The following SLC39A3 variants were observed in gnomAD, a reference collection of about 807,000 sequenced individuals.
SLC39A3 encodes the protein solute carrier family 39 member 3.
Under a neutral mutation model 5.1 loss-of-function variants are expected in SLC39A3, and 3 were observed. The ratio of observed to expected loss-of-function variants is 0.59; its 90% CI spans 0.27 to 1.54. The LOEUF (loss-of-function observed/expected upper bound fraction) is 1.54, where lower values mean the gene tolerates loss of function less well. Among genes scored for constraint, SLC39A3 ranks in the 40% most tolerant of loss-of-function variants. The pLI, the probability that SLC39A3 is intolerant of heterozygous loss-of-function variation, is 0.12. For missense variants in SLC39A3, 412 were observed against 436.4 expected (o/e 0.94, Z 0.50); for synonymous variants, 250 against 218.8 (o/e 1.14, Z -1.26).
chr19:2,736,937 C>T (rs759799384), intron 2 of SLC39A3, 111 bp downstream of exon 2: 43 of 1,560,000 alleles, frequency 2.8e-5, no homozygotes, highest in Non-Finnish European at 3.6e-5. Context: ...CTTTCCGTCA[C>T]CCTTACAGCA....
chr19:2,735,864 A>G lies in SLC39A3; in HGVS notation c.210+1184T>C. ...GGCTCAGATGATTTAATCCCAGACA[A>G]CAGCCCTTCTCCTCCTTTCTGGACA... is the stretch of plus-strand genomic sequence containing the variant. On this transcript the variant is annotated intron_variant, in intron 2 of 2. Transcript: ENST00000269740. The surrounding 1 kb of genome is among the most constrained non-coding windows in gnomAD (Gnocchi z 5.7). The G allele has an allele frequency of 4.1e-6, 4 of 985,514 alleles. No homozygotes were observed. Among genetic ancestry groups the G allele is most frequent in the Non-Finnish European group, 4.8e-6 (4 of 830,012 alleles). 61.0% of individuals were successfully genotyped at this position (985,514 alleles called of 1,614,324 possible). A position where few individuals can be genotyped will look rare whatever the true frequency, so the allele number is the denominator to read the frequency against.
chr19:2,734,013 G>C lies in SLC39A3; in HGVS notation c.211-528C>G, dbSNP rs905345515. ...GGGCCTCCTCTCTGCTTCCCTGACC[G>C]ACATGCCTGGGCCCGACTCTCCTCC... On this transcript the variant is annotated intron_variant, in intron 2 of 2. Transcript: ENST00000269740. This position sits in a 1 kb window ranked among gnomAD's most constrained non-coding sequence, Gnocchi z 4.6. Among the ~76,000 whole-genome samples, 1 of 152,196 alleles carries C rather than the reference G, an allele frequency of 6.6e-6. No individual in the cohort carries two copies. Among genetic ancestry groups the C allele is most frequent in the East Asian group, 1.9e-4 (1 of 5,190 alleles).
At chr19:2,736,623 GCCCAGAC>G (rs1914377230) in intron 2 of SLC39A3, 2 of 827,374 alleles carry the variant, frequency 2.4e-6, no homozygotes, top group Admixed American at 8.7e-5. Flanking sequence ...CTGAAGCAGT[GCCCAGAC>G]CCCTGACTCA....
chr19:2,734,502 T>C lies in SLC39A3; in HGVS notation c.211-1017A>G, dbSNP rs1914297910. ...CACAGTGGTTCTCAACCAGGGCGATTCTGCCCGTGTGGACACCTGGCAATG... is the reference window on the plus strand; with the variant it reads ...CACAGTGGTTCTCAACCAGGGCGATCCTGCCCGTGTGGACACCTGGCAATG... On this transcript the variant is annotated intron_variant, in intron 2 of 2. Coordinates refer to ENST00000269740, the MANE Select transcript of SLC39A3 (RefSeq NM_144564.5). The surrounding 1 kb of genome is among the most constrained non-coding windows in gnomAD (Gnocchi z 4.6). 4 of 154,710 alleles carry C rather than the reference T, an allele frequency of 2.6e-5. No homozygotes were observed. 9.6% of individuals were successfully genotyped at this position (154,710 alleles called of 1,614,324 possible).
Position 2,737,139 on chromosome 19 carries a change from G to C in SLC39A3, c.119C>G (p.Ser40Trp), listed in dbSNP as rs1337234127. Residue 40 changes from serine to tryptophan, a missense_variant, in exon 2 of 3, where the codon TCG (serine) becomes TGG (tryptophan). Physicochemically the swap from Ser to Trp is radical, Grantham distance 177. Coordinates refer to ENST00000269740, the MANE Select transcript of SLC39A3 (RefSeq NM_144564.5). ...IETDFEKAHR[S>W]KKILSLCNTF... The stretch of plus-strand genomic sequence containing the variant: ...GTTGCAGAGAGAGAGGATCTTTTTC[G>C]AGCGATGGGCCTTCTCAAAATCTGT... The C allele has an allele frequency of 1.9e-6, 3 of 1,613,982 alleles. No homozygotes were observed. The highest frequency in any genetic ancestry group is 2.2e-5 in the East Asian group (1 of 44,888).
chr19:2,737,600 G>A (rs1248549547), intron 1 of SLC39A3: 1 of 254,138 alleles, frequency 3.9e-6, no homozygotes, highest in Non-Finnish European at 7.8e-6. Flanking sequence ...GTAGAGACGA[G>A]GTTTCATCAT....
At chr19:2,739,656 C>A (rs372801630) in intron 1 of SLC39A3, among the ~76,000 whole-genome samples, 7 of 152,202 alleles carry the variant, frequency 4.6e-5, no homozygotes, top group African/African-American at 1.7e-4. Context: ...GCCACCCAGG[C>A]ACACAGTAGG....
At chr19:2,736,197 A>C in intron 2 of SLC39A3, 1 of 985,570 alleles carries the variant, frequency 1.0e-6, no homozygotes, top group Non-Finnish European at 1.2e-6. Context: ...GACAGACTCC[A>C]AGATGGCCCC....
rs1349294146 is a variant in SLC39A3, at chr19:2,734,712, C to T, written c.211-1227G>A. On this transcript the variant is annotated intron_variant, in intron 2 of 2. Coordinates refer to ENST00000269740, the MANE Select transcript of SLC39A3 (RefSeq NM_144564.5). The surrounding 1 kb of genome is among the most constrained non-coding windows in gnomAD (Gnocchi z 4.6). ...TGACAACCACAATGTCCCCAGGCAT[C>T]GCCCAGTGTTCCCTGGGGGCAGTTC... 22 of 984,240 alleles carry T rather than the reference C, an allele frequency of 2.2e-5. No homozygotes were observed. Among genetic ancestry groups the T allele is most frequent in the Non-Finnish European group, 2.7e-5 (22 of 828,782 alleles). 61.0% of individuals were successfully genotyped at this position (984,240 alleles called of 1,614,324 possible).
At position 2,732,935 on chromosome 19, in the gene SLC39A3, T is replaced by C. The variant is rs752731515; in HGVS notation, c.761A>G (p.Gln254Arg). 4.4e-6 allele frequency: 7 copies of C among 1,608,610 alleles called. No individual in the cohort carries two copies. In the African/African-American group the frequency reaches 8.0e-5, roughly 18 times the overall value. Residue 254 changes from glutamine to arginine, a missense_variant, in exon 3 of 3, where the codon CAG (glutamine) becomes CGG (arginine). Physicochemically the swap from Gln to Arg is conservative, Grantham distance 43. Coordinates refer to ENST00000269740, the MANE Select transcript of SLC39A3 (RefSeq NM_144564.5). ...GGACGCCACGCTGCCCGGCACGCCC[T>C]GGGCGCTCTCAATGCCCAGGCCCAG... is the stretch of plus-strand genomic sequence containing the variant. ...IGLGLGIESA[Q>R]GVPGSVASVL... is the part of the protein sequence containing the mutation.
At position 2,733,999 on chromosome 19, in the gene SLC39A3, C is replaced by T. The variant is rs1467209331; in HGVS notation, c.211-514G>A. ...CGTGTTCTGCCGCGGGGCCTCCTCTCTGCTTCCCTGACCGACATGCCTGGG... is the reference window on the plus strand; with the variant it reads ...CGTGTTCTGCCGCGGGGCCTCCTCTTTGCTTCCCTGACCGACATGCCTGGG... On this transcript the variant is annotated intron_variant, in intron 2 of 2. Coordinates refer to ENST00000269740, the MANE Select transcript of SLC39A3 (RefSeq NM_144564.5). This position sits in a 1 kb window ranked among gnomAD's most constrained non-coding sequence, Gnocchi z 6.1. Among the ~76,000 whole-genome samples the T allele has an allele frequency of 6.6e-6, 1 of 152,214 alleles. No individual in the cohort carries two copies. The highest frequency in any genetic ancestry group is 1.5e-5 in the Non-Finnish European group (1 of 68,034).
At chr19:2,736,804 A>G (rs1266693330) in intron 2 of SLC39A3, 7 of 1,454,432 alleles carry the variant, frequency 4.8e-6, no homozygotes, top group Non-Finnish European at 6.3e-6. Context: ...TCTGATTATC[A>G]GGTGACAACC....
rs779434123 is a variant in SLC39A3, at chr19:2,734,366, C to A, written c.211-881G>T. Among the ~76,000 whole-genome samples the A allele has an allele frequency of 6.6e-6, 1 of 152,150 alleles. No individual in the cohort carries two copies. Among genetic ancestry groups the A allele is most frequent in the Non-Finnish European group, 1.5e-5 (1 of 68,034 alleles). ...GCCTGCTTCCCTGCTTCCTTCCCAG[C>A]GGAGACTTCATTACAACCTGCGCAC... On this transcript the variant is annotated intron_variant, in intron 2 of 2. Transcript: ENST00000269740. This position sits in a 1 kb window ranked among gnomAD's most constrained non-coding sequence, Gnocchi z 4.6.
Position 2,733,504 on chromosome 19 carries a change from G to T in SLC39A3, c.211-19C>A, listed in dbSNP as rs751784701. Reference sequence around the variant, plus strand: ...TCTGGAGCTGCAGCCGGGGACACCCGAGAGAGAGAGAGAGACCCACGCTCA... The same window carrying T: ...TCTGGAGCTGCAGCCGGGGACACCCTAGAGAGAGAGAGAGACCCACGCTCA... On this transcript the variant is annotated intron_variant, in intron 2 of 2. Transcript: ENST00000269740. This position sits in a 1 kb window ranked among gnomAD's most constrained non-coding sequence, Gnocchi z 6.1. 2 of 1,284,268 alleles carry T rather than the reference G, an allele frequency of 1.6e-6. No individual in the cohort carries two copies. The highest frequency in any genetic ancestry group is 2.1e-6 in the Non-Finnish European group (2 of 959,878). The allele number at this position is 1,284,268 out of a possible 1,614,324, so 79.6% of individuals were successfully genotyped here.
At chr19:2,739,642 C>T (rs1340079123) in intron 1 of SLC39A3, among the ~76,000 whole-genome samples, 1 of 152,216 alleles carries the variant, frequency 6.6e-6, no homozygotes, top group Non-Finnish European at 1.5e-5. Flanking sequence ...GCACCCAGCG[C>T]AGAGCCACCC....
At position 2,735,145 on chromosome 19, in the gene SLC39A3, C is replaced by A. The variant is rs748714671; in HGVS notation, c.211-1660G>T. The A allele has an allele frequency of 1.4e-5, 14 of 985,402 alleles. No homozygotes were observed. Among genetic ancestry groups the A allele is most frequent in the Non-Finnish European group, 1.7e-5 (14 of 829,966 alleles). The allele number at this position is 985,402 out of a possible 1,614,324, so 61.0% of individuals were successfully genotyped here. A position where few individuals can be genotyped will look rare whatever the true frequency, so the allele number is the denominator to read the frequency against. On this transcript the variant is annotated intron_variant, in intron 2 of 2. Transcript: ENST00000269740. The surrounding 1 kb of genome is among the most constrained non-coding windows in gnomAD (Gnocchi z 5.7). Reference sequence around the variant, plus strand: ...AGTCAGAGGGTGACGGGGGTGACACCATGACCATGGGGGAAAAGGGGGGCT... The same window carrying A: ...AGTCAGAGGGTGACGGGGGTGACACAATGACCATGGGGGAAAAGGGGGGCT...
In SLC39A3 at chr19:2,734,249, C is replaced by T. The variant is rs544912137; in HGVS notation, c.211-764G>A. On this transcript the variant is annotated intron_variant, in intron 2 of 2. Transcript: ENST00000269740. This position sits in a 1 kb window ranked among gnomAD's most constrained non-coding sequence, Gnocchi z 4.6. Reference sequence around the variant, plus strand: ...CGCCCACAACAGCTCCCTGGAGCCTCGTCACGGCAGGGCCAGAGTTCACAG... The same window carrying T: ...CGCCCACAACAGCTCCCTGGAGCCTTGTCACGGCAGGGCCAGAGTTCACAG... 1.8e-4 allele frequency among the ~76,000 whole-genome samples: 27 copies of T among 152,364 alleles called. 1 individual carries two copies. The East Asian group carries it at 4.8e-3, about 27-fold the overall frequency.
At position 2,734,394 on chromosome 19, in the gene SLC39A3, G is replaced by GCACA. The variant is rs113441602; in HGVS notation, c.211-913_211-910dup. 20 of 150,562 alleles carry GCACA rather than the reference G, an allele frequency of 1.3e-4. No homozygotes were observed. Among genetic ancestry groups the GCACA allele is most frequent in the Non-Finnish European group, 2.1e-4 (14 of 67,512 alleles). 9.3% of individuals were successfully genotyped at this position (150,562 alleles called of 1,614,324 possible). On this transcript the variant is annotated intron_variant, in intron 2 of 2. Transcript: ENST00000269740. This position sits in a 1 kb window ranked among gnomAD's most constrained non-coding sequence, Gnocchi z 4.6. Reference sequence around the variant, plus strand: ...AGACTTCATTACAACCTGCGCACGTGCACACACACACACACACACGCATAT... The same window carrying GCACA: ...AGACTTCATTACAACCTGCGCACGTGCACACACACACACACACACACACGCATAT...
chr19:2,737,606 A>C (rs1418512331), intron 1 of SLC39A3: 3 of 245,922 alleles, frequency 1.2e-5, no homozygotes, highest in Non-Finnish European at 2.4e-5. Flanking sequence ...ACGAGGTTTC[A>C]TCATGTTGGC....
Sources: allele counts gnomAD v4.1 joint callset (sites outside exome capture counted in the v4.1 genomes callset), GRCh38; gene constraint gnomAD v4.1.1; non-coding constraint Gnocchi (gnomAD v3.1); transcripts MANE v1.5; gene names NCBI Gene and HGNC (gene_info 2026-07-23, HGNC 2026-07-21).